The following PEAK1 variants were observed in gnomAD, a reference collection of about 807,000 sequenced individuals.
PEAK1 encodes inactive tyrosine-protein kinase PEAK1.
Under a neutral mutation model 124.7 loss-of-function variants are expected in PEAK1, and 54 were observed. That is an observed-to-expected ratio of 0.43 (90% CI 0.35 to 0.54). The LOEUF is 0.54. Among genes scored for constraint, PEAK1 ranks in the 20% least tolerant of loss-of-function variants. The pLI, the probability that PEAK1 is intolerant of heterozygous loss-of-function variation, is 0.01. For synonymous variants in PEAK1, 719 were observed against 760.0 expected (o/e 0.95, Z 0.89); for missense variants, 2,046 against 2,134.5 (o/e 0.96, Z 0.82).
intron 6 of PEAK1, among the ~76,000 whole-genome samples, chr15:77,238,692 G>T (rs772173433): frequency 1.9e-3 from 287 of 152,272 alleles, no homozygotes; most frequent in Middle Eastern, 3.4e-3. Context: ...GTGCCACCGG[G>T]TAGTTAAAAT....
chr15:77,144,655 C>A (rs571368740), intron 8 of PEAK1, among the ~76,000 whole-genome samples: 60 of 152,302 alleles, frequency 3.9e-4, no homozygotes, highest in South Asian at 1.9e-3. Context: ...TAGCAGGATA[C>A]GATCTCCTGG....
intron 1 of PEAK1, chr15:77,403,935 T>C: frequency 1.0e-6 from 1 of 974,550 alleles, no homozygotes; most frequent in Non-Finnish European, 1.2e-6. Context: ...AGGGGATACA[T>C]TTACAAGTTT....
At position 77,370,416 on chromosome 15, in the gene PEAK1, A is replaced by G. The variant is rs112390781; in HGVS notation, c.-665-5191T>C. On this transcript the variant is annotated intron_variant, in intron 1 of 9. Coordinates refer to ENST00000682557, the MANE Select transcript of PEAK1 (RefSeq NM_001385026.1). ...AATGTCACCTCAGGGGAAAATGTTT[A>G]GGTACCACCTTGGGAAAGTCTTTGA... Among the ~76,000 whole-genome samples, 313 of 152,344 alleles carry G rather than the reference A, an allele frequency of 2.1e-3. 4 individuals carry two copies. Among genetic ancestry groups the G allele is most frequent in the Middle Eastern group, 0.017 (5 of 294 alleles).
intron 6 of PEAK1, among the ~76,000 whole-genome samples, chr15:77,246,644 A>G (rs558810167): frequency 2.1e-4 from 32 of 152,304 alleles, no homozygotes; most frequent in Non-Finnish European, 4.4e-4. Flanking sequence ...ATTTAAAAAA[A>G]TTTACACCTA....
chr15:77,292,608 T>C (rs1300332575), intron 2 of PEAK1, among the ~76,000 whole-genome samples: 4 of 152,140 alleles, frequency 2.6e-5, no homozygotes, highest in Non-Finnish European at 4.4e-5. Context: ...TATCACCTTG[T>C]CCAACTACAG....
intron 6 of PEAK1, among the ~76,000 whole-genome samples, chr15:77,237,153 A>G (rs1265260559): frequency 6.6e-6 from 1 of 152,232 alleles, no homozygotes; most frequent in Non-Finnish European, 1.5e-5. Context: ...AGAAACAAGT[A>G]ACACTGAAGA....
intron 6 of PEAK1, among the ~76,000 whole-genome samples, chr15:77,183,149 T>C (rs1048117111): frequency 3.3e-5 from 5 of 152,204 alleles, no homozygotes; most frequent in African/African-American, 9.6e-5. Context: ...AAAACGAGAA[T>C]AATGTTCTGC....
At chr15:77,418,353 C>T in intron 1 of PEAK1, 1 of 985,078 alleles carries the variant, frequency 1.0e-6, no homozygotes, top group Non-Finnish European at 1.2e-6. Context: ...ACATTTTTTC[C>T]CACATAATGT....
In PEAK1 at chr15:77,346,917, A is replaced by G. The variant is rs78670577; in HGVS notation, c.-603+18246T>C. ...AACAGCTACCAATTAGTGATCTGGT[A>G]CTAAGAGGAAAACAAAACGCAGCCA... On this transcript the variant is annotated intron_variant, in intron 2 of 9. Transcript: ENST00000682557. 3.8e-3 allele frequency: 1,202 copies of G among 313,962 alleles called. 16 individuals are homozygous for G. Among genetic ancestry groups the G allele is most frequent in the African/African-American group, 0.025 (1,128 of 44,420 alleles). 19.4% of individuals were successfully genotyped at this position (313,962 alleles called of 1,614,324 possible).
At chr15:77,300,842 A>T (rs1238628438) in intron 2 of PEAK1, among the ~76,000 whole-genome samples, 2 of 151,662 alleles carry the variant, frequency 1.3e-5, no homozygotes, top group African/African-American at 2.4e-5. Context: ...AAAACCAGTA[A>T]TTATTTATTT....
intron 8 of PEAK1, among the ~76,000 whole-genome samples, chr15:77,145,277 C>T (rs551350369): frequency 3.7e-4 from 56 of 152,104 alleles, no homozygotes; most frequent in African/African-American, 8.9e-4. Flanking sequence ...GGTGAAACCC[C>T]ATCTCCACTA....
chr15:77,134,773 G>C (rs2053174937), intron 8 of PEAK1, among the ~76,000 whole-genome samples: 2 of 152,082 alleles, frequency 1.3e-5, no homozygotes. Flanking sequence ...TCTGTTATGG[G>C]TTGAATTATA....
At chr15:77,149,255 T>A (rs1336461858) in intron 8 of PEAK1, among the ~76,000 whole-genome samples, 1 of 152,184 alleles carries the variant, frequency 6.6e-6, no homozygotes, top group African/African-American at 2.4e-5. Flanking sequence ...AGAAACAAAT[T>A]CCACAGTAAA....
intron 5 of PEAK1, among the ~76,000 whole-genome samples, chr15:77,276,819 T>C (rs2062355045): frequency 6.6e-6 from 1 of 151,978 alleles, no homozygotes; most frequent in Non-Finnish European, 1.5e-5. Flanking sequence ...AAAATATATA[T>C]AAACATGCAT....
intron 2 of PEAK1, among the ~76,000 whole-genome samples, chr15:77,314,964 G>A (rs775561912): frequency 1.6e-4 from 25 of 152,160 alleles, no homozygotes; most frequent in Middle Eastern, 3.4e-3. Context: ...CACTACCTGG[G>A]TGACAGCATC....
chr15:77,346,685 T>C (rs2066892236), intron 2 of PEAK1: 3 of 984,150 alleles, frequency 3.0e-6, no homozygotes, highest in Non-Finnish European at 3.6e-6. Flanking sequence ...ACATTAATTG[T>C]ATCTTCCTGA....
intron 6 of PEAK1, 85 bp downstream of exon 6, chr15:77,252,282 T>A: frequency 1.3e-6 from 1 of 785,974 alleles, no homozygotes; most frequent in Non-Finnish European, 1.5e-6. Flanking sequence ...GCATTTAAGT[T>A]AAACATTTAA....
intron 2 of PEAK1, chr15:77,347,854 T>C (rs1158530207): frequency 1.0e-6 from 1 of 984,568 alleles, no homozygotes; most frequent in African/African-American, 1.7e-5. Flanking sequence ...TCTACAACAT[T>C]AAACAATGCT....
At chr15:77,320,229 C>T (rs948313467) in intron 2 of PEAK1, among the ~76,000 whole-genome samples, 10 of 152,108 alleles carry the variant, frequency 6.6e-5, no homozygotes, top group African/African-American at 2.2e-4. Context: ...AGTGTCACTC[C>T]TACCAACAGA....
Sources: allele counts gnomAD v4.1 joint callset (sites outside exome capture counted in the v4.1 genomes callset), GRCh38; gene constraint gnomAD v4.1.1; transcripts MANE v1.5; gene names NCBI Gene and HGNC (gene_info 2026-07-23, HGNC 2026-07-21).